FAM149B1: variants seen among roughly 807,000 people sequenced by gnomAD.
FAM149B1 encodes the protein family with sequence similarity 149 member B1, also known as primary cilium assembly protein FAM149B1.
A neutral mutation model predicts 75.3 loss-of-function variants in FAM149B1; 56 were observed. That is an observed-to-expected ratio of 0.74 (90% CI 0.60 to 0.93). The LOEUF (loss-of-function observed/expected upper bound fraction) is 0.93, where lower values mean the gene tolerates loss of function less well. FAM149B1 is among the 40% of genes least tolerant of loss of function. The pLI is 0.00. For synonymous variants in FAM149B1, 259 were observed against 256.1 expected, an observed-to-expected ratio of 1.01 and a Z score of -0.11; for missense variants, 639 against 708.4, an observed-to-expected ratio of 0.90 and a Z score of 1.11.
At chr10:73,235,152 G>C in intron 11 of FAM149B1, 41 bp from the exon 12 acceptor site, 1 of 1,548,344 alleles carries the variant, frequency 6.5e-7, no homozygotes, top group Non-Finnish European at 8.7e-7. Context: ...CCACATTACA[G>C]ATAGTTTTCA....
chr10:73,192,909 C>T (rs1437814188), intron 4 of FAM149B1, among the ~76,000 whole-genome samples: 1 of 152,148 alleles, frequency 6.6e-6, no homozygotes, highest in South Asian at 2.1e-4. Context: ...TGATCCTAAT[C>T]AAGTAAAAAC....
At chr10:73,197,643 G>A (rs1038830991) in intron 5 of FAM149B1, among the ~76,000 whole-genome samples, 2 of 151,994 alleles carry the variant, frequency 1.3e-5, no homozygotes, top group African/African-American at 2.4e-5. Context: ...GGTGGCGCAC[G>A]CCTGTAATCC....
chr10:73,190,612 C>T (rs1411053144), intron 3 of FAM149B1, among the ~76,000 whole-genome samples: 1 of 151,856 alleles, frequency 6.6e-6, no homozygotes, highest in Admixed American at 6.6e-5. Flanking sequence ...TTTTCTCCCA[C>T]TGGAACACTG....
At chr10:73,209,473 A>G (rs1314744394) in intron 6 of FAM149B1, among the ~76,000 whole-genome samples, 1 of 152,158 alleles carries the variant, frequency 6.6e-6, no homozygotes, top group Non-Finnish European at 1.5e-5. Context: ...ACAAAAAAGA[A>G]AAGAAAAAGG....
In FAM149B1 at chr10:73,244,196, T is replaced by C. The variant is rs372751251; in HGVS notation, c.*3177T>C. 1.7e-5 allele frequency: 7 copies of C among 420,936 alleles called. No homozygotes were observed. Among genetic ancestry groups the C allele is most frequent in the African/African-American group, 1.0e-4 (5 of 47,682 alleles). The allele number at this position is 420,936 out of a possible 1,614,324, so 26.1% of individuals were successfully genotyped here. Reference sequence around the variant, plus strand: ...ACTCTGGCACTCATAAATCACATGATGATAAAAAGGAACATGAGGCCGGGT... The same window carrying C: ...ACTCTGGCACTCATAAATCACATGACGATAAAAAGGAACATGAGGCCGGGT... On this transcript the variant is annotated 3_prime_UTR_variant, in exon 14 of 14. Coordinates refer to ENST00000242505, the MANE Select transcript of FAM149B1 (RefSeq NM_173348.2).
At chr10:73,186,705 A>G (rs180892454) in intron 3 of FAM149B1, among the ~76,000 whole-genome samples, 61 of 152,380 alleles carry the variant, frequency 4.0e-4, no homozygotes, top group Admixed American at 1.2e-3. Context: ...TCAGCCATAA[A>G]AATGAAAGAA....
chr10:73,168,147 G>T lies in FAM149B1; in HGVS notation c.-193G>T. 1 of 597,570 alleles carries T rather than the reference G, an allele frequency of 1.7e-6. No individual in the cohort carries two copies. The highest frequency in any genetic ancestry group is 2.9e-6 in the Non-Finnish European group (1 of 345,320). The allele number at this position is 597,570 out of a possible 1,614,324, so 37.0% of individuals were successfully genotyped here. A position where few individuals can be genotyped will look rare whatever the true frequency, so the allele number is the denominator to read the frequency against. On this transcript the variant is annotated 5_prime_UTR_variant, in exon 1 of 14. Transcript: ENST00000242505. ...TCCGCCCCCGCGGCAAAGCAGGGAG[G>T]TCGGAGGACTGGAGAGGTGGGGACC... is the stretch of plus-strand genomic sequence containing the variant.
intron 7 of FAM149B1, among the ~76,000 whole-genome samples, chr10:73,226,621 T>C (rs904797672): frequency 6.6e-6 from 1 of 152,246 alleles, no homozygotes; most frequent in African/African-American, 2.4e-5. Flanking sequence ...AGTTTATCTA[T>C]AAAATGAGTA....
At chr10:73,211,522 C>G (rs1297343194) in intron 7 of FAM149B1, among the ~76,000 whole-genome samples, 1 of 152,180 alleles carries the variant, frequency 6.6e-6, no homozygotes, top group Non-Finnish European at 1.5e-5. Context: ...TATTTAGTCT[C>G]TGCCCCTGAT....
In FAM149B1 at chr10:73,174,805, G is replaced by C. The variant is rs777673462; in HGVS notation, c.152+14G>C. On this transcript the variant is annotated intron_variant, in intron 2 of 13. Transcript: ENST00000242505. ...AAGTTCCCAAAGGTAATAACACAAA[G>C]TGTACTTGTTTACTTATTGCACTTG... 1 of 1,511,278 alleles carries C rather than the reference G, an allele frequency of 6.6e-7. No individual in the cohort carries two copies. Among genetic ancestry groups the C allele is most frequent in the African/African-American group, 1.4e-5 (1 of 72,182 alleles). The allele number at this position is 1,511,278 out of a possible 1,614,324, so 93.6% of individuals were successfully genotyped here.
Position 73,168,271 on chromosome 10 carries a change from G to T in FAM149B1, c.-69G>T. 1.3e-6 allele frequency: 2 copies of T among 1,521,878 alleles called. No individual in the cohort carries two copies. The highest frequency in any genetic ancestry group is 1.8e-6 in the Non-Finnish European group (2 of 1,126,664). The allele number at this position is 1,521,878 out of a possible 1,614,324, so 94.3% of individuals were successfully genotyped here. A position where few individuals can be genotyped will look rare whatever the true frequency, so the allele number is the denominator to read the frequency against. On this transcript the variant is annotated 5_prime_UTR_variant, in exon 1 of 14. Coordinates refer to ENST00000242505, the MANE Select transcript of FAM149B1 (RefSeq NM_173348.2). ...GGAGCCGGCGGGAGGGCCAGGCCCG[G>T]AGGCCCCCACCCTGGCGTGCCTGCC...
At chr10:73,213,904 T>C (rs975007404) in intron 7 of FAM149B1, among the ~76,000 whole-genome samples, 2 of 152,200 alleles carry the variant, frequency 1.3e-5, no homozygotes, top group African/African-American at 4.8e-5. Context: ...TGTAGACTGA[T>C]TGATCTGTAT....
chr10:73,182,915 C>G (rs2042433854), intron 3 of FAM149B1, among the ~76,000 whole-genome samples: 1 of 152,228 alleles, frequency 6.6e-6, no homozygotes, highest in Non-Finnish European at 1.5e-5. Flanking sequence ...AAGCACTCCT[C>G]TCTTGCTGCT....
intron 7 of FAM149B1, among the ~76,000 whole-genome samples, chr10:73,225,631 A>G (rs1481954895): frequency 1.3e-5 from 2 of 152,206 alleles, no homozygotes; most frequent in African/African-American, 2.4e-5. Context: ...ATTTTTAAAA[A>G]TGTAGTGTAA....
chr10:73,219,831 A>C (rs11497796), intron 7 of FAM149B1, among the ~76,000 whole-genome samples: 3,432 of 152,232 alleles, frequency 0.023, 119 homozygotes, highest in African/African-American at 0.072. Flanking sequence ...GTAACTCTTC[A>C]TGACCTTGGA....
At chr10:73,226,850 G>A (rs2043564254) in intron 7 of FAM149B1, among the ~76,000 whole-genome samples, 1 of 152,070 alleles carries the variant, frequency 6.6e-6, no homozygotes, top group African/African-American at 2.4e-5. Context: ...GACAGGTGCT[G>A]GTACAAACCT....
chr10:73,227,607 A>C (rs2043581603), intron 7 of FAM149B1, among the ~76,000 whole-genome samples: 1 of 152,192 alleles, frequency 6.6e-6, no homozygotes, highest in Admixed American at 6.5e-5. Context: ...GTCTGGATTA[A>C]TGAAGGTTTC....
chr10:73,240,438 C>A (rs56195322), intron 13 of FAM149B1, among the ~76,000 whole-genome samples: 2 of 152,132 alleles, frequency 1.3e-5, no homozygotes, highest in Non-Finnish European at 2.9e-5. Flanking sequence ...ACTGGCTGGG[C>A]GTGGTGGCTC....
chr10:73,214,650 C>A (rs1437283085), intron 7 of FAM149B1, among the ~76,000 whole-genome samples: 1 of 152,148 alleles, frequency 6.6e-6, no homozygotes, highest in Non-Finnish European at 1.5e-5. Flanking sequence ...TGGGATAAAT[C>A]CCACTTGATC....
Sources: gnomAD v4.1 joint callset for allele counts (sites outside exome capture counted in the v4.1 genomes callset) on GRCh38, gnomAD v4.1.1 for gene constraint, MANE v1.5 for transcripts, NCBI Gene and HGNC (gene_info 2026-07-23, HGNC 2026-07-21) for gene names.